Variants in RSRC1 observed in about 807,000 individuals in gnomAD.
The protein encoded by RSRC1 is arginine and serine rich coiled-coil 1.
RSRC1 carries 39 observed loss-of-function variants against 49.1 expected under a neutral mutation model. That is an observed-to-expected ratio of 0.79 (90% CI 0.61 to 1.04). RSRC1 has a LOEUF of 1.04. RSRC1 is among the 50% of genes least tolerant of loss of function. RSRC1 has a pLI of 0.00. For synonymous variants in RSRC1, 143 were observed against 130.8 expected (o/e 1.09, Z -0.63); for missense variants, 388 against 402.4 (o/e 0.96, Z 0.31).
intron 4 of RSRC1, among the ~76,000 whole-genome samples, chr3:158,256,781 G>A (rs998465054): frequency 7.2e-5 from 11 of 152,016 alleles, no homozygotes; most frequent in Admixed American, 4.6e-4. Flanking sequence ...ATTCAAGTTC[G>A]TCCTGGTTTA....
chr3:158,263,662 T>C (rs923396431), intron 4 of RSRC1, among the ~76,000 whole-genome samples: 2 of 152,144 alleles, frequency 1.3e-5, no homozygotes, highest in Admixed American at 6.5e-5. Context: ...GATTTTTCTT[T>C]GTGGAAAGGT....
intron 4 of RSRC1, among the ~76,000 whole-genome samples, chr3:158,271,177 A>G (rs1725496425): frequency 6.6e-6 from 1 of 152,186 alleles, no homozygotes; most frequent in Admixed American, 6.5e-5. Flanking sequence ...TAAGTCCTTC[A>G]TAGACATTTG....
At chr3:158,493,214 G>C (rs1739160552) in intron 7 of RSRC1, among the ~76,000 whole-genome samples, 2 of 152,174 alleles carry the variant, frequency 1.3e-5, no homozygotes, top group Non-Finnish European at 2.9e-5. Context: ...TGAAGCAGTA[G>C]GTCATTGTTC....
chr3:158,371,254 TG>T (rs1233295678), intron 6 of RSRC1, among the ~76,000 whole-genome samples: 1 of 152,058 alleles, frequency 6.6e-6, no homozygotes, highest in South Asian at 2.1e-4. Context: ...ATTAATGATT[TG>T]TATACAGCAA....
chr3:158,183,381 T>C (rs2108255485), intron 3 of RSRC1, among the ~76,000 whole-genome samples: 1 of 152,204 alleles, frequency 6.6e-6, no homozygotes, highest in Non-Finnish European at 1.5e-5. Flanking sequence ...AAAATGGAAA[T>C]GAGTGATTGT....
At chr3:158,518,025 A>G (rs1215811073) in intron 7 of RSRC1, among the ~76,000 whole-genome samples, 1 of 146,142 alleles carries the variant, frequency 6.8e-6, no homozygotes, top group Admixed American at 6.9e-5. Context: ...GTTATGGTGT[A>G]TTATCTATTT....
intron 5 of RSRC1, among the ~76,000 whole-genome samples, chr3:158,316,605 C>A (rs1728477016): frequency 6.6e-6 from 1 of 151,932 alleles, no homozygotes; most frequent in Non-Finnish European, 1.5e-5. Flanking sequence ...CCACCTCGCC[C>A]AGCTAATTTT....
At chr3:158,235,231 G>A (rs1251432151) in intron 4 of RSRC1, among the ~76,000 whole-genome samples, 1 of 151,630 alleles carries the variant, frequency 6.6e-6, no homozygotes, top group Non-Finnish European at 1.5e-5. Context: ...TTTACATTCT[G>A]TCCCAGTCTC....
intron 3 of RSRC1, among the ~76,000 whole-genome samples, chr3:158,184,352 T>C (rs1186954976): frequency 6.6e-6 from 1 of 151,994 alleles, no homozygotes; most frequent in African/African-American, 2.4e-5. Flanking sequence ...TACTAACATA[T>C]GCTTCGATTT....
Position 158,217,765 on chromosome 3 carries a change from T to TTG in RSRC1, c.494+14520_494+14521insTG, listed in dbSNP as rs1553770273. On this transcript the variant is annotated intron_variant, in intron 4 of 9. Coordinates refer to ENST00000611884, the MANE Select transcript of RSRC1 (RefSeq NM_001271838.2). Reference sequence around the variant, plus strand: ...AATTATGGTCCAGTGTGTGTGTGTGTGGGGGGGGAATTGTAAATATGAAAT... The same window carrying TTG: ...AATTATGGTCCAGTGTGTGTGTGTGTTGGGGGGGGGAATTGTAAATATGAAAT... 1.1e-4 allele frequency among the ~76,000 whole-genome samples: 16 copies of TTG among 141,338 alleles called. No individual in the cohort carries two copies. The East Asian group carries it at 1.8e-3, about 15-fold the overall frequency. The allele number at this position is 141,338 out of a possible 152,430, so 92.7% of individuals were successfully genotyped here. A position where few individuals can be genotyped will look rare whatever the true frequency, so the allele number is the denominator to read the frequency against.
Position 158,155,495 on chromosome 3 carries a change from C to T in RSRC1, c.320+31504C>T, listed in dbSNP as rs150673572. 4.6e-5 allele frequency among the ~76,000 whole-genome samples: 7 copies of T among 152,070 alleles called. No homozygotes were observed. The East Asian group carries it at 1.4e-3, about 29-fold the overall frequency. On this transcript the variant is annotated intron_variant, in intron 3 of 9. Transcript: ENST00000611884. ...TGTCACCCAGGCTCTAGGGCAGTGG[C>T]ATGATCTCGGCTCCCTGCAGCCTCT... is the stretch of plus-strand genomic sequence containing the variant.
At chr3:158,528,517 G>A (rs1712183481) in intron 7 of RSRC1, among the ~76,000 whole-genome samples, 1 of 151,926 alleles carries the variant, frequency 6.6e-6, no homozygotes, top group South Asian at 2.1e-4. Context: ...TGCGATGTCT[G>A]CATTAGCTCT....
intron 4 of RSRC1, among the ~76,000 whole-genome samples, chr3:158,279,143 A>G (rs1725986775): frequency 2.0e-5 from 3 of 152,334 alleles, no homozygotes; most frequent in Admixed American, 6.5e-5. Flanking sequence ...CATTACAGCA[A>G]TTCATAAGGC....
At chr3:158,166,963 G>T (rs1718575207) in intron 3 of RSRC1, among the ~76,000 whole-genome samples, 1 of 151,956 alleles carries the variant, frequency 6.6e-6, no homozygotes, top group Non-Finnish European at 1.5e-5. Flanking sequence ...TTGGCTATTG[G>T]GAAATGCTCA....
At chr3:158,114,736 C>T (rs1489188929) in intron 1 of RSRC1, among the ~76,000 whole-genome samples, 2 of 151,938 alleles carry the variant, frequency 1.3e-5, no homozygotes, top group Non-Finnish European at 2.9e-5. Flanking sequence ...AGCTGTATTC[C>T]TAGGTATTTT....
intron 4 of RSRC1, among the ~76,000 whole-genome samples, chr3:158,216,156 T>C (rs897006646): frequency 2.6e-5 from 4 of 151,582 alleles, no homozygotes; most frequent in Non-Finnish European, 5.9e-5. Flanking sequence ...TGCCATCACT[T>C]TTAATAGTTC....
intron 4 of RSRC1, among the ~76,000 whole-genome samples, chr3:158,222,950 T>G (rs1722306897): frequency 6.6e-6 from 1 of 151,690 alleles, no homozygotes; most frequent in South Asian, 2.1e-4. Flanking sequence ...TCTCTGCTCC[T>G]CATTTCAGTA....
At chr3:158,283,364 T>C (rs1331431072) in intron 4 of RSRC1, among the ~76,000 whole-genome samples, 4 of 152,076 alleles carry the variant, frequency 2.6e-5, no homozygotes, top group Non-Finnish European at 2.9e-5. Flanking sequence ...TATAAACAAT[T>C]AGAATGAACA....
chr3:158,347,241 G>T (rs1730604192), intron 5 of RSRC1, among the ~76,000 whole-genome samples: 1 of 152,042 alleles, frequency 6.6e-6, no homozygotes, highest in Non-Finnish European at 1.5e-5. Context: ...TTCTCAACTT[G>T]TAACACAGTA....
Sources: gnomAD v4.1 joint callset for allele counts (sites outside exome capture counted in the v4.1 genomes callset) on GRCh38, gnomAD v4.1.1 for gene constraint, MANE v1.5 for transcripts, NCBI Gene and HGNC (gene_info 2026-07-23, HGNC 2026-07-21) for gene names.